The following PTPRD variants were observed in gnomAD, a reference collection of about 807,000 sequenced individuals.
PTPRD encodes receptor-type tyrosine-protein phosphatase delta.
In PTPRD, 34 loss-of-function variants were observed where a neutral mutation model predicts 214.5. The ratio of observed to expected loss-of-function variants is 0.16; its 90% CI spans 0.12 to 0.21. The LOEUF is 0.21. Ranked by LOEUF, PTPRD falls within the 10% of genes least tolerant of loss-of-function variation. PTPRD has a pLI of 1.00. For synonymous variants in PTPRD, 1,128 were observed against 845.7 expected, an observed-to-expected ratio of 1.33 and a Z score of -5.79; for missense variants, 2,545 against 2,398.7, an observed-to-expected ratio of 1.06 and a Z score of -1.27.
At chr9:10,266,961 CG>C (rs1156412737) in intron 3 of PTPRD, among the ~76,000 whole-genome samples, 13 of 151,700 alleles carry the variant, frequency 8.6e-5, no homozygotes, top group African/African-American at 2.7e-4. Context: ...GAGGCCGAGG[CG>C]GGCGAATCAC....
chr9:9,409,861 G>A (rs200460964), intron 8 of PTPRD, among the ~76,000 whole-genome samples: 12 of 151,570 alleles, frequency 7.9e-5, no homozygotes, highest in Non-Finnish European at 1.2e-4. Context: ...ATATTTTTTC[G>A]GCATATACAA....
intron 2 of PTPRD, among the ~76,000 whole-genome samples, chr9:10,528,699 T>C (rs2055122618): frequency 6.6e-6 from 1 of 152,164 alleles, no homozygotes; most frequent in Non-Finnish European, 1.5e-5. Flanking sequence ...TAATTAACAT[T>C]GGTATATAGC....
chr9:9,256,571 A>C (rs933740161), intron 9 of PTPRD, among the ~76,000 whole-genome samples: 3 of 151,928 alleles, frequency 2.0e-5, no homozygotes, highest in African/African-American at 7.2e-5. Context: ...GACTTGCTAA[A>C]CTGCTTCAAC....
At chr9:8,332,147 A>C (rs1316734614) in intron 43 of PTPRD, among the ~76,000 whole-genome samples, 1 of 152,156 alleles carries the variant, frequency 6.6e-6, no homozygotes, top group Non-Finnish European at 1.5e-5. Context: ...AAATTTCAGA[A>C]ACTAATTACT....
chr9:10,053,934 T>C (rs1172328134), intron 3 of PTPRD, among the ~76,000 whole-genome samples: 2 of 152,026 alleles, frequency 1.3e-5, no homozygotes, highest in African/African-American at 2.4e-5. Flanking sequence ...AATTTTTGTG[T>C]TTTTAGTAAA....
At chr9:9,938,649 C>T (rs2090400871) in intron 4 of PTPRD, 39 bp from the exon 5 acceptor site, 1 of 152,062 alleles carries the variant, frequency 6.6e-6, no homozygotes, top group Non-Finnish European at 1.5e-5. Context: ...CTTCATGTTC[C>T]TTGAAGCACA....
intron 9 of PTPRD, among the ~76,000 whole-genome samples, chr9:9,191,706 G>A (rs1338939946): frequency 6.6e-6 from 1 of 151,900 alleles, no homozygotes; most frequent in Non-Finnish European, 1.5e-5. Context: ...TGCACTATGT[G>A]AACCAAAAGC....
At chr9:8,765,280 TATGCCAGAGGTA>T (rs2154479571) in intron 11 of PTPRD, among the ~76,000 whole-genome samples, 1 of 152,306 alleles carries the variant, frequency 6.6e-6, no homozygotes, top group East Asian at 1.9e-4. Flanking sequence ...GCAAACAGAT[TATGCCAGAGGTA>T]ATGCAATAAC....
rs148983787 is a variant in PTPRD at position 9,522,266 on chromosome 9, T to G, written c.-237+52466A>C. On this transcript the variant is annotated intron_variant, in intron 8 of 45. Coordinates refer to ENST00000381196, the MANE Select transcript of PTPRD (RefSeq NM_002839.4). The stretch of plus-strand genomic sequence containing the variant: ...CTTGTTATTTCATTTCATGTATTTA[T>G]TAGTTTGCTGTTTGACTAGTATACA... Among the ~76,000 whole-genome samples, 375 of 152,244 alleles carry G rather than the reference T, an allele frequency of 2.5e-3. 3 individuals carry two copies. The highest frequency in any genetic ancestry group is 8.6e-3 in the African/African-American group (358 of 41,540).
chr9:9,087,066 A>G (rs1163183238), intron 10 of PTPRD, among the ~76,000 whole-genome samples: 1 of 152,214 alleles, frequency 6.6e-6, no homozygotes, highest in Non-Finnish European at 1.5e-5. Context: ...TAGAAAAGCA[A>G]ATACACACAC....
chr9:10,059,667 C>G (rs1181045368), intron 3 of PTPRD, among the ~76,000 whole-genome samples: 2 of 151,458 alleles, frequency 1.3e-5, no homozygotes, highest in Non-Finnish European at 2.9e-5. Flanking sequence ...GCTATAGATA[C>G]AAAATTAGAT....
chr9:8,371,974 C>G (rs1909752), intron 39 of PTPRD, among the ~76,000 whole-genome samples: 144,733 of 152,080 alleles, frequency 0.95, 68,937 homozygotes, highest in East Asian at 0.99. Context: ...AAGCAGTTCA[C>G]ACCTCATCTT....
intron 2 of PTPRD, among the ~76,000 whole-genome samples, chr9:10,554,091 A>C (rs1177628117): frequency 6.6e-6 from 1 of 152,160 alleles, no homozygotes; most frequent in Non-Finnish European, 1.5e-5. Context: ...ATCCCATGCA[A>C]ATGTCCATCC....
intron 4 of PTPRD, among the ~76,000 whole-genome samples, chr9:9,976,553 A>AT (rs1410089121): frequency 1.3e-5 from 2 of 151,128 alleles, no homozygotes; most frequent in South Asian, 2.1e-4. Context: ...CACCTGGCTA[A>AT]TTTTTTGTAT....
chr9:8,621,878 C>G (rs535422827), intron 14 of PTPRD, among the ~76,000 whole-genome samples: 1 of 151,970 alleles, frequency 6.6e-6, no homozygotes, highest in South Asian at 2.1e-4. Context: ...TAAAAAGTAA[C>G]TTATATAACA....
At chr9:10,175,882 C>T (rs919859238) in intron 3 of PTPRD, among the ~76,000 whole-genome samples, 1 of 151,912 alleles carries the variant, frequency 6.6e-6, no homozygotes, top group South Asian at 2.1e-4. Flanking sequence ...AAATAAATCT[C>T]CACATGGATA....
intron 9 of PTPRD, among the ~76,000 whole-genome samples, chr9:9,210,298 T>A (rs1374733293): frequency 6.6e-6 from 1 of 152,182 alleles, no homozygotes; most frequent in Non-Finnish European, 1.5e-5. Context: ...AAGAATTGGG[T>A]ATTAAAATAT....
chr9:10,286,116 C>A (rs934802070), intron 3 of PTPRD, among the ~76,000 whole-genome samples: 1 of 152,076 alleles, frequency 6.6e-6, no homozygotes, highest in Non-Finnish European at 1.5e-5. Flanking sequence ...CCATACATAA[C>A]AATTATGCCT....
At chr9:9,332,093 A>C (rs2042538094) in intron 9 of PTPRD, among the ~76,000 whole-genome samples, 1 of 152,040 alleles carries the variant, frequency 6.6e-6, no homozygotes, top group Non-Finnish European at 1.5e-5. Flanking sequence ...AGGATCACTA[A>C]AGACAATGAC....
Sources: gnomAD v4.1 joint callset for allele counts (sites outside exome capture counted in the v4.1 genomes callset) on GRCh38, gnomAD v4.1.1 for gene constraint, MANE v1.5 for transcripts, NCBI Gene and HGNC (gene_info 2026-07-23, HGNC 2026-07-21) for gene names.